Variants in ELMO1 observed in about 807,000 individuals in gnomAD.
ELMO1 encodes engulfment and cell motility protein 1.
A neutral mutation model predicts 98.9 loss-of-function variants in ELMO1; 26 were observed. The observed-to-expected ratio is 0.26, with a 90% confidence interval of 0.19 to 0.36. The LOEUF (loss-of-function observed/expected upper bound fraction) is 0.36, where lower values mean the gene tolerates loss of function less well. Among genes scored for constraint, ELMO1 ranks in the 10% least tolerant of loss-of-function variants. ELMO1 has a pLI of 1.00. For missense variants in ELMO1, 627 were observed against 935.2 expected (o/e 0.67, Z 4.30); for synonymous variants, 346 against 346.0 (o/e 1.00, Z 0.00).
intron 15 of ELMO1, among the ~76,000 whole-genome samples, chr7:37,062,459 G>A (rs1232099827): frequency 2.0e-5 from 3 of 152,198 alleles, no homozygotes; most frequent in Admixed American, 6.5e-5. Context: ...GTTTAGACAC[G>A]TGCATCCTTT....
chr7:37,387,577 G>T (rs950154568), intron 1 of ELMO1, among the ~76,000 whole-genome samples: 35 of 152,122 alleles, frequency 2.3e-4, no homozygotes, highest in African/African-American at 6.5e-4. Flanking sequence ...GGCCTGGGGG[G>T]TTAGTACTCG....
chr7:36,953,472 A>G (rs373199899), intron 16 of ELMO1, among the ~76,000 whole-genome samples: 13 of 152,348 alleles, frequency 8.5e-5, no homozygotes, highest in African/African-American at 3.1e-4. Flanking sequence ...GCAATATTTT[A>G]AAAGGTGAAC....
intron 2 of ELMO1, among the ~76,000 whole-genome samples, chr7:37,323,059 C>T (rs147861674): frequency 2.0e-5 from 3 of 152,134 alleles, no homozygotes; most frequent in African/African-American, 7.2e-5. Flanking sequence ...GAGGCCATGA[C>T]CCCACATTCT....
chr7:37,426,153 T>C (rs1384536191), intron 1 of ELMO1, among the ~76,000 whole-genome samples: 1 of 139,084 alleles, frequency 7.2e-6, no homozygotes, highest in African/African-American at 2.7e-5. Context: ...TTTTTTTTTT[T>C]TTTTTTTTTT....
chr7:37,222,269 G>A lies in ELMO1; in HGVS notation c.780+346C>T, dbSNP rs190864564. The stretch of plus-strand genomic sequence containing the variant: ...CTAGTGAGCATCCCATGAAATGACA[G>A]AAGGTCGCAGGGGCTCCTAACTCTG... On this transcript the variant is annotated intron_variant, in intron 10 of 21. Transcript: ENST00000310758. 1.5e-4 allele frequency among the ~76,000 whole-genome samples: 23 copies of A among 152,330 alleles called. No individual in the cohort carries two copies. In the East Asian group the frequency reaches 2.1e-3, roughly 14 times the overall value.
At chr7:37,163,703 T>C (rs1288687384) in intron 13 of ELMO1, among the ~76,000 whole-genome samples, 2 of 152,238 alleles carry the variant, frequency 1.3e-5, no homozygotes, top group African/African-American at 4.8e-5. Context: ...TTCCATGGTG[T>C]ATATGTGCCA....
chr7:37,205,796 G>C (rs1792581346), intron 13 of ELMO1, among the ~76,000 whole-genome samples: 1 of 152,158 alleles, frequency 6.6e-6, no homozygotes, highest in Non-Finnish European at 1.5e-5. Flanking sequence ...GTTGAATATT[G>C]ATTTGGGCAT....
At position 37,135,429 on chromosome 7, in the gene ELMO1, C is replaced by A. The variant is rs183156001; in HGVS notation, c.1087-2195G>T. ...CACCGCAGGCTCCCTGGGAGGCAAC[C>A]AGCACACTAAACAAAAACACAACCA... On this transcript the variant is annotated intron_variant, in intron 13 of 21. Transcript: ENST00000310758. Among the ~76,000 whole-genome samples, 3 of 152,270 alleles carry A rather than the reference C, an allele frequency of 2.0e-5. No individual in the cohort carries two copies. In the East Asian group the frequency reaches 5.8e-4, roughly 29 times the overall value.
intron 15 of ELMO1, among the ~76,000 whole-genome samples, chr7:37,061,062 A>G (rs1796644738): frequency 6.6e-6 from 1 of 152,234 alleles, no homozygotes; most frequent in African/African-American, 2.4e-5. Flanking sequence ...TCACAACCTT[A>G]GGTTTGCTTT....
rs1256465052 is a variant in ELMO1, at chr7:36,894,997, C to T, written c.1458G>A (p.Glu486=). ...TGGTTGTAAGTGCTCTCATAACCTG[C>T]TCCTTCACCACCTGCATTACCTGAA... is the stretch of plus-strand genomic sequence containing the variant. ...DFNKVMQVVK[E]QVMRALTTKP... The change falls in exon 17 of 22, where the codon GAG becomes GAA. Residue 486 remains glutamate (E), a synonymous_variant. Transcript: ENST00000310758. 4 of 1,613,594 alleles carry T rather than the reference C, an allele frequency of 2.5e-6. No individual in the cohort carries two copies. In the African/African-American group the frequency reaches 5.3e-5, roughly 22 times the overall value.
At chr7:37,399,247 G>A (rs1163965192) in intron 1 of ELMO1, among the ~76,000 whole-genome samples, 3 of 152,232 alleles carry the variant, frequency 2.0e-5, no homozygotes, top group African/African-American at 7.2e-5. Flanking sequence ...GTGCAGAAGG[G>A]AGACAGAGAT....
At chr7:36,975,796 G>A (rs537033858) in intron 16 of ELMO1, among the ~76,000 whole-genome samples, 2 of 146,914 alleles carry the variant, frequency 1.4e-5, no homozygotes, top group South Asian at 2.1e-4. Flanking sequence ...GCAGTGAGCC[G>A]AGATCGTACC....
At chr7:37,329,839 C>T (rs773122305) in intron 2 of ELMO1, among the ~76,000 whole-genome samples, 2 of 152,190 alleles carry the variant, frequency 1.3e-5, no homozygotes, top group East Asian at 1.9e-4. Context: ...TATGTCACAA[C>T]GGGGACACAT....
intron 15 of ELMO1, among the ~76,000 whole-genome samples, chr7:37,051,327 C>T (rs932702268): frequency 1.3e-5 from 2 of 152,280 alleles, no homozygotes; most frequent in Middle Eastern, 3.4e-3. Context: ...TTAAACTATT[C>T]AATAAATGGG....
chr7:37,320,677 C>A (rs1799437130), intron 2 of ELMO1, among the ~76,000 whole-genome samples: 1 of 152,180 alleles, frequency 6.6e-6, no homozygotes, highest in Admixed American at 6.5e-5. Context: ...GAGAACAAGG[C>A]ATCTTAGTTC....
Position 36,960,473 on chromosome 7 carries a change from G to A in ELMO1, c.1437+52826C>T, listed in dbSNP as rs566638855. ...TGCTGTCCACCTCAAGCCCTTTAAA[G>A]CCTGTTCTCTGTTTCTGAAATGCTC... is the stretch of plus-strand genomic sequence containing the variant. On this transcript the variant is annotated intron_variant, in intron 16 of 21. Transcript: ENST00000310758. 5.3e-5 allele frequency among the ~76,000 whole-genome samples: 8 copies of A among 152,116 alleles called. No individual in the cohort carries two copies. The South Asian group carries it at 6.2e-4, about 12-fold the overall frequency.
chr7:37,306,948 C>T (rs911329149), intron 4 of ELMO1, among the ~76,000 whole-genome samples: 4 of 152,060 alleles, frequency 2.6e-5, no homozygotes, highest in African/African-American at 9.7e-5. Flanking sequence ...AATCATATTC[C>T]TAATAATCTC....
chr7:36,999,420 C>A (rs568435755), intron 16 of ELMO1, among the ~76,000 whole-genome samples: 9 of 152,270 alleles, frequency 5.9e-5, no homozygotes, highest in East Asian at 1.9e-4. Context: ...AGTCTCTAGA[C>A]GAAGAGACCG....
chr7:37,413,505 A>C (rs1804080401), intron 1 of ELMO1, among the ~76,000 whole-genome samples: 2 of 152,234 alleles, frequency 1.3e-5, no homozygotes, highest in Admixed American at 1.3e-4. Flanking sequence ...CAAGCAGGAC[A>C]ATCACCAAAT....
Sources: gnomAD v4.1 joint callset for allele counts (sites outside exome capture counted in the v4.1 genomes callset) on GRCh38, gnomAD v4.1.1 for gene constraint, MANE v1.5 for transcripts, NCBI Gene and HGNC (gene_info 2026-07-23, HGNC 2026-07-21) for gene names.